The following APBB2 variants were observed in gnomAD, a reference collection of about 807,000 sequenced individuals.
APBB2 encodes Fe65-like 1.
A neutral mutation model predicts 82.5 loss-of-function variants in APBB2; 38 were observed. That is an observed-to-expected ratio of 0.46 (90% CI 0.36 to 0.60). The LOEUF is 0.60. APBB2 is among the 20% of genes least tolerant of loss of function. The probability of loss-of-function intolerance (pLI) is 0.00; values close to 1 mark genes in which losing one functional copy is unlikely to be tolerated. For missense variants in APBB2, 772 were observed against 972.3 expected, an observed-to-expected ratio of 0.79 and a Z score of 2.74; for synonymous variants, 341 against 368.2, an observed-to-expected ratio of 0.93 and a Z score of 0.85.
At chr4:40,830,241 G>A (rs977166981) in intron 13 of APBB2, among the ~76,000 whole-genome samples, 2 of 151,732 alleles carry the variant, frequency 1.3e-5, no homozygotes, top group South Asian at 2.1e-4. Flanking sequence ...TCCAGGCGGC[G>A]GGAGGGACTA....
chr4:41,060,589 G>C (rs1413786411), intron 4 of APBB2, among the ~76,000 whole-genome samples: 2 of 152,088 alleles, frequency 1.3e-5, no homozygotes, highest in Non-Finnish European at 2.9e-5. Flanking sequence ...GAGGGAAATA[G>C]TACTGGAGTT....
rs1734108619 is a variant in APBB2, at chr4:41,072,118, G to T, written c.-148-6445C>A. On this transcript the variant is annotated intron_variant, in intron 3 of 17. Transcript: ENST00000508593. ...TATAAATACACTCTGGAGAGCCCAA[G>T]GGGAAATCCAAGTTACAGAGCCAGG... 3.3e-5 allele frequency among the ~76,000 whole-genome samples: 5 copies of T among 152,346 alleles called. No individual in the cohort carries two copies. The South Asian group carries it at 1.0e-3, about 32-fold the overall frequency.
Position 40,827,147 on chromosome 4 carries a change from C to A in APBB2, c.1717G>T (p.Asp573Tyr). 6.2e-7 allele frequency: 1 copy of A among 1,614,104 alleles called. No homozygotes were observed. The highest frequency in any genetic ancestry group is 8.5e-7 in the Non-Finnish European group (1 of 1,179,976). Residue 573 changes from aspartate (D) to tyrosine (Y), a missense_variant, in exon 14 of 18, where the codon GAT (aspartate) becomes TAT (tyrosine). Asp to Tyr is a radical substitution (Grantham distance 160). Coordinates refer to ENST00000508593, the MANE Select transcript of APBB2 (RefSeq NM_004307.2). ...SLQERANVNL[D>Y]VPLQVDFPTP... ...ACTGACTTACCTTGCAAAGGGACATCGAGGTTCACATTGGCCCTTTCCTGT... is the reference window on the plus strand; with the variant it reads ...ACTGACTTACCTTGCAAAGGGACATAGAGGTTCACATTGGCCCTTTCCTGT...
At chr4:41,006,523 G>A (rs1362050424) in intron 6 of APBB2, among the ~76,000 whole-genome samples, 2 of 152,106 alleles carry the variant, frequency 1.3e-5, no homozygotes, top group African/African-American at 4.8e-5. Context: ...GAGTGTAATG[G>A]TGTGATCTCG....
chr4:40,942,735 G>C (rs1468475848), intron 7 of APBB2, among the ~76,000 whole-genome samples: 1 of 152,062 alleles, frequency 6.6e-6, no homozygotes, highest in Non-Finnish European at 1.5e-5. Context: ...GTTAGCAAGG[G>C]GTACGATGCA....
At chr4:40,878,523 C>T (rs1246629899) in intron 12 of APBB2, among the ~76,000 whole-genome samples, 1 of 152,154 alleles carries the variant, frequency 6.6e-6, no homozygotes, top group Non-Finnish European at 1.5e-5. Flanking sequence ...TGTGTCCCTG[C>T]CATGCCCCCT....
At position 40,810,951 on chromosome 4, in the gene APBB2, T is replaced by C. The variant is rs1744281798; in HGVS notation, c.*5141A>G. The C allele has an allele frequency of 6.6e-6, 1 of 152,196 alleles. No individual in the cohort carries two copies. The highest frequency in any genetic ancestry group is 2.1e-4 in the South Asian group (1 of 4,828). 9.4% of individuals were successfully genotyped at this position (152,196 alleles called of 1,614,324 possible). On this transcript the variant is annotated 3_prime_UTR_variant, in exon 18 of 18. Transcript: ENST00000508593. ...CTCCACCATACCAGACTGAAAAGTATTCCATTGTCCAGAAGTAGCTGGTCT... is the reference window on the plus strand; with the variant it reads ...CTCCACCATACCAGACTGAAAAGTACTCCATTGTCCAGAAGTAGCTGGTCT...
At chr4:40,891,951 CT>C (rs565676579) in intron 11 of APBB2, among the ~76,000 whole-genome samples, 461 of 132,034 alleles carry the variant, frequency 3.5e-3, no homozygotes, top group African/African-American at 4.5e-3. Flanking sequence ...GGGTTTTGTT[CT>C]TTTTTTTTTT....
intron 3 of APBB2, 58 bp from the exon 4 acceptor site, chr4:41,065,731 C>A (rs1579711554): frequency 3.5e-5 from 3 of 84,786 alleles, no homozygotes; most frequent in Non-Finnish European, 4.9e-5. Context: ...AGGATAATGA[C>A]AGCTTTTTTT....
intron 12 of APBB2, among the ~76,000 whole-genome samples, chr4:40,860,198 C>T (rs1215983555): frequency 6.6e-6 from 1 of 152,120 alleles, no homozygotes; most frequent in African/African-American, 2.4e-5. Context: ...ACTCTAACAC[C>T]TTGGAATGTT....
At chr4:40,857,316 T>A in intron 12 of APBB2, 1 of 330,980 alleles carries the variant, frequency 3.0e-6, no homozygotes, top group Non-Finnish European at 4.3e-6. Context: ...GCTAGGGGAC[T>A]GGCTCAGGGC....
chr4:41,105,364 A>G (rs1228657621), intron 2 of APBB2, among the ~76,000 whole-genome samples: 1 of 152,204 alleles, frequency 6.6e-6, no homozygotes, highest in Admixed American at 6.5e-5. Context: ...TCATTTTAGC[A>G]AATAGAAAAG....
intron 10 of APBB2, among the ~76,000 whole-genome samples, chr4:40,908,491 G>A (rs1777671183): frequency 6.6e-6 from 1 of 152,076 alleles, no homozygotes; most frequent in Non-Finnish European, 1.5e-5. Context: ...GAGAGAGGGA[G>A]GCCGGCATCC....
At chr4:41,046,111 G>A (rs1267669434) in intron 4 of APBB2, among the ~76,000 whole-genome samples, 7 of 152,026 alleles carry the variant, frequency 4.6e-5, no homozygotes, top group East Asian at 1.9e-4. Context: ...CCTCACATAC[G>A]TCTTCTATTC....
chr4:41,190,901 C>A (rs1247903782), intron 1 of APBB2, among the ~76,000 whole-genome samples: 1 of 152,216 alleles, frequency 6.6e-6, no homozygotes, highest in African/African-American at 2.4e-5. Flanking sequence ...TGGACCAACG[C>A]TGGTCTGCTG....
intron 12 of APBB2, among the ~76,000 whole-genome samples, chr4:40,872,289 C>A (rs1429440836): frequency 6.6e-6 from 1 of 152,190 alleles, no homozygotes; most frequent in Non-Finnish European, 1.5e-5. Context: ...TTGTTATAAG[C>A]CACTGAGATT....
chr4:40,890,068 T>C (rs535931720), intron 12 of APBB2, among the ~76,000 whole-genome samples: 10 of 152,264 alleles, frequency 6.6e-5, no homozygotes, highest in South Asian at 2.1e-4. Context: ...GGGGTTCAGA[T>C]GGCCTGGGTT....
intron 5 of APBB2, among the ~76,000 whole-genome samples, chr4:41,020,051 A>G (rs145575981): frequency 6.6e-6 from 1 of 152,322 alleles, no homozygotes; most frequent in East Asian, 1.9e-4. Flanking sequence ...AAGGAGTCAG[A>G]GAGAAAGAGA....
intron 1 of APBB2, among the ~76,000 whole-genome samples, chr4:41,214,052 C>A (rs1780012497): frequency 6.6e-6 from 1 of 152,224 alleles, no homozygotes; most frequent in Non-Finnish European, 1.5e-5. Flanking sequence ...CCGCCCCAGG[C>A]CCTGCCAAGC....
Sources: gnomAD v4.1 joint callset for allele counts (sites outside exome capture counted in the v4.1 genomes callset) on GRCh38, gnomAD v4.1.1 for gene constraint, MANE v1.5 for transcripts, NCBI Gene and HGNC (gene_info 2026-07-23, HGNC 2026-07-21) for gene names.